The following NLGN1 variants were observed in gnomAD, a reference collection of about 807,000 sequenced individuals.
The protein encoded by NLGN1 is neuroligin 1, also known as neuroligin-1.
NLGN1 carries 12 observed loss-of-function variants against 65.5 expected under a neutral mutation model. The observed-to-expected ratio is 0.18, with a 90% CI of 0.12 to 0.30. The LOEUF (loss-of-function observed/expected upper bound fraction) is 0.30, where lower values mean the gene tolerates loss of function less well. NLGN1 is among the 10% of genes least tolerant of loss of function. NLGN1 has a pLI of 1.00. For missense variants in NLGN1, 750 were observed against 1,007.1 expected (o/e 0.74, Z 3.46); for synonymous variants, 350 against 359.5 (o/e 0.97, Z 0.30).
intron 2 of NLGN1, among the ~76,000 whole-genome samples, chr3:173,525,603 T>C (rs2149158830): frequency 6.6e-6 from 1 of 152,222 alleles, no homozygotes; most frequent in East Asian, 1.9e-4. Context: ...CATTTAATTG[T>C]GCTCTGATCC....
intron 2 of NLGN1, among the ~76,000 whole-genome samples, chr3:173,507,368 A>G (rs545056630): frequency 1.2e-4 from 19 of 152,266 alleles, no homozygotes; most frequent in African/African-American, 3.6e-4. Context: ...AAAAAAAATG[A>G]TAGCACAATT....
At chr3:173,510,825 T>C (rs1732826643) in intron 2 of NLGN1, among the ~76,000 whole-genome samples, 1 of 152,176 alleles carries the variant, frequency 6.6e-6, no homozygotes, top group African/African-American at 2.4e-5. Flanking sequence ...ATGCTGTGGG[T>C]CCTGTCTGGA....
At chr3:173,978,507 A>T (rs1276595162) in intron 4 of NLGN1, among the ~76,000 whole-genome samples, 1 of 152,012 alleles carries the variant, frequency 6.6e-6, no homozygotes, top group Admixed American at 6.6e-5. Flanking sequence ...ACAAAGAAGG[A>T]TAAGGGGGCT....
At chr3:174,199,192 A>G (rs2152772150) in intron 4 of NLGN1, among the ~76,000 whole-genome samples, 1 of 152,248 alleles carries the variant, frequency 6.6e-6, no homozygotes, top group East Asian at 1.9e-4. Context: ...TCTGGGAGTC[A>G]ATCTAACCTT....
chr3:174,139,240 C>T (rs1330006399), intron 4 of NLGN1, among the ~76,000 whole-genome samples: 1 of 151,890 alleles, frequency 6.6e-6, no homozygotes, highest in Non-Finnish European at 1.5e-5. Flanking sequence ...ATAGTTTCAC[C>T]GTCCTAAAAA....
chr3:173,849,836 T>C (rs1214345359), intron 4 of NLGN1, among the ~76,000 whole-genome samples: 1 of 152,150 alleles, frequency 6.6e-6, no homozygotes, highest in African/African-American at 2.4e-5. Context: ...CTATGAAAAA[T>C]CTAACCATTT....
chr3:174,040,017 C>G (rs1221892408), intron 4 of NLGN1, among the ~76,000 whole-genome samples: 1 of 152,116 alleles, frequency 6.6e-6, no homozygotes, highest in African/African-American at 2.4e-5. Flanking sequence ...CTTTGTGAGG[C>G]CAATATTCAA....
At chr3:173,807,550 T>C in intron 3 of NLGN1, 130 bp from the exon 4 acceptor site, 2 of 972,292 alleles carry the variant, frequency 2.1e-6, no homozygotes, top group Non-Finnish European at 3.0e-6. Context: ...AGAAACACTT[T>C]AATAAAAACA....
chr3:173,784,984 A>G (rs868137452), intron 3 of NLGN1, among the ~76,000 whole-genome samples: 1 of 151,366 alleles, frequency 6.6e-6, no homozygotes, highest in South Asian at 2.1e-4. Context: ...ACAAAAGAAT[A>G]CACACATTAA....
At chr3:173,561,542 T>G (rs2149298919) in intron 2 of NLGN1, among the ~76,000 whole-genome samples, 1 of 152,280 alleles carries the variant, frequency 6.6e-6, no homozygotes, top group Non-Finnish European at 1.5e-5. Flanking sequence ...GCACAAAGAC[T>G]TTCCCTTTCA....
At chr3:174,140,980 C>T (rs553002303) in intron 4 of NLGN1, among the ~76,000 whole-genome samples, 3 of 151,970 alleles carry the variant, frequency 2.0e-5, no homozygotes, top group Admixed American at 2.0e-4. Context: ...TTTGTTATTT[C>T]TAGAATAGTT....
At chr3:173,996,255 A>G (rs1183249905) in intron 4 of NLGN1, among the ~76,000 whole-genome samples, 2 of 152,152 alleles carry the variant, frequency 1.3e-5, no homozygotes, top group Non-Finnish European at 2.9e-5. Context: ...AATTACGTCT[A>G]TTTTAAGATC....
At position 174,281,455 on chromosome 3, in the gene NLGN1, A is replaced by G. The variant is rs554050749; in HGVS notation, c.*152A>G. 16 of 610,664 alleles carry G rather than the reference A, an allele frequency of 2.6e-5. No homozygotes were observed. The African/African-American group carries it at 3.0e-4, about 11-fold the overall frequency. The allele number at this position is 610,664 out of a possible 1,614,324, so 37.8% of individuals were successfully genotyped here. A position where few individuals can be genotyped will look rare whatever the true frequency, so the allele number is the denominator to read the frequency against. Reference sequence around the variant, plus strand: ...AAGAACTTTGGGGGTTTTGAAAAAAATGAATTGTATATATACAAATCAACT... The same window carrying G: ...AAGAACTTTGGGGGTTTTGAAAAAAGTGAATTGTATATATACAAATCAACT... On this transcript the variant is annotated 3_prime_UTR_variant, in exon 7 of 7. Transcript: ENST00000457714.
chr3:173,473,639 C>T (rs1725671800), intron 2 of NLGN1, among the ~76,000 whole-genome samples: 1 of 152,190 alleles, frequency 6.6e-6, no homozygotes, highest in African/African-American at 2.4e-5. Flanking sequence ...CACCTTCATT[C>T]TCCCTATCCC....
intron 3 of NLGN1, among the ~76,000 whole-genome samples, chr3:173,647,635 A>G (rs562212122): frequency 3.9e-5 from 6 of 152,154 alleles, no homozygotes; most frequent in African/African-American, 1.4e-4. Context: ...AACTGAATGA[A>G]AATACAATAT....
chr3:173,773,219 T>A (rs1484092542), intron 3 of NLGN1, among the ~76,000 whole-genome samples: 1 of 152,208 alleles, frequency 6.6e-6, no homozygotes, highest in Non-Finnish European at 1.5e-5. Flanking sequence ...CCTTAAAGCT[T>A]CTCATACCAG....
chr3:173,742,952 G>T (rs185310928), intron 3 of NLGN1, among the ~76,000 whole-genome samples: 1 of 152,224 alleles, frequency 6.6e-6, no homozygotes, highest in East Asian at 1.9e-4. Context: ...GCATGTACTT[G>T]TATTTAAATA....
At chr3:173,958,157 T>G (rs115932002) in intron 4 of NLGN1, among the ~76,000 whole-genome samples, 1 of 152,278 alleles carries the variant, frequency 6.6e-6, no homozygotes, top group East Asian at 1.9e-4. Flanking sequence ...TTTCTCTCCT[T>G]TCCTTCTTGT....
At chr3:173,596,147 T>C (rs1560021800) in intron 2 of NLGN1, among the ~76,000 whole-genome samples, 1 of 152,262 alleles carries the variant, frequency 6.6e-6, no homozygotes, top group Non-Finnish European at 1.5e-5. Flanking sequence ...TGTTAAGTTT[T>C]AGTTGGCCTT....
Sources: gnomAD v4.1 joint callset for allele counts (sites outside exome capture counted in the v4.1 genomes callset) on GRCh38, gnomAD v4.1.1 for gene constraint, MANE v1.5 for transcripts, NCBI Gene and HGNC (gene_info 2026-07-23, HGNC 2026-07-21) for gene names.